RANBP2: variants seen among roughly 807,000 people sequenced by gnomAD.
The protein encoded by RANBP2 is E3 SUMO-protein ligase RanBP2.
In RANBP2, 57 loss-of-function variants were observed where a neutral mutation model predicts 303.6. The observed-to-expected ratio is 0.19, with a 90% confidence interval of 0.15 to 0.23. RANBP2 has a LOEUF of 0.23. Ranked by LOEUF, RANBP2 falls within the 10% of genes least tolerant of loss-of-function variation. The probability of loss-of-function intolerance (pLI) is 1.00; values close to 1 mark genes in which losing one functional copy is unlikely to be tolerated. For missense variants in RANBP2, 3,138 were observed against 3,780.8 expected (o/e 0.83, Z 4.46); for synonymous variants, 1,167 against 1,301.5 (o/e 0.90, Z 2.23).
chr2:109,295,521 CT>C, the RANBP2 span, among the ~76,000 whole-genome samples: 5 of 152,184 alleles, frequency 3.3e-5, no homozygotes, highest in Admixed American at 1.3e-4. Context: ...CTTTGTCCTT[CT>C]TGTGAAGAAG....
the RANBP2 span, among the ~76,000 whole-genome samples, chr2:109,571,461 A>G: frequency 2.4e-3 from 372 of 152,342 alleles, no homozygotes; most frequent in Non-Finnish European, 2.9e-3. Flanking sequence ...ATGTAACTAT[A>G]CTGGATACTG....
chr2:109,228,065 G>A, the RANBP2 span, among the ~76,000 whole-genome samples: 1 of 152,118 alleles, frequency 6.6e-6, no homozygotes. Context: ...ACACAGGTAC[G>A]AGTGTCTGGT....
the RANBP2 span, among the ~76,000 whole-genome samples, chr2:109,676,559 G>A: frequency 3.3e-5 from 5 of 152,210 alleles, no homozygotes; most frequent in Non-Finnish European, 7.3e-5. Flanking sequence ...AGCAGACACA[G>A]GGAAGCTGGC....
chr2:109,055,883 C>T, the RANBP2 span, among the ~76,000 whole-genome samples: 2 of 151,104 alleles, frequency 1.3e-5, no homozygotes, highest in Non-Finnish European at 2.9e-5. Flanking sequence ...CTTCAGCCTC[C>T]CGAGTAGCTG....
Position 108,783,916 on chromosome 2 carries a change from A to C in RANBP2, c.*15A>C. The C allele has an allele frequency of 6.3e-7, 1 of 1,598,074 alleles. No homozygotes were observed. The highest frequency in any genetic ancestry group is 8.6e-7 in the Non-Finnish European group (1 of 1,165,786). On this transcript the variant is annotated 3_prime_UTR_variant, in exon 29 of 29. Coordinates refer to ENST00000283195, the MANE Select transcript of RANBP2 (RefSeq NM_006267.5). Reference sequence around the variant, plus strand: ...GACAGATATAAAATCATTGTTGTTCATAGAAAATTTCATCTGTATAAGCAG... The same window carrying C: ...GACAGATATAAAATCATTGTTGTTCCTAGAAAATTTCATCTGTATAAGCAG...
At chr2:109,357,562 C>T in the RANBP2 span, among the ~76,000 whole-genome samples, 748 of 152,318 alleles carry the variant, frequency 4.9e-3, 5 homozygotes, top group African/African-American at 0.017. Flanking sequence ...CCGCCCTTCC[C>T]GCATGTCTAC....
At chr2:109,229,301 A>ACTTC in the RANBP2 span, among the ~76,000 whole-genome samples, 1 of 152,168 alleles carries the variant, frequency 6.6e-6, no homozygotes, top group Admixed American at 6.5e-5. Context: ...CCCACACCCC[A>ACTTC]CTTCCTCTGT....
the RANBP2 span, among the ~76,000 whole-genome samples, chr2:109,219,858 A>T: frequency 3.3e-5 from 5 of 152,206 alleles, no homozygotes; most frequent in Non-Finnish European, 7.3e-5. Context: ...ACTCAAAGTG[A>T]TCTACAGATT....
chr2:108,989,992 A>C, the RANBP2 span, among the ~76,000 whole-genome samples: 2 of 152,156 alleles, frequency 1.3e-5, no homozygotes, highest in African/African-American at 4.8e-5. Flanking sequence ...CACATGAGAA[A>C]GTAAGAGCTT....
At chr2:109,061,055 A>T in the RANBP2 span, among the ~76,000 whole-genome samples, 1 of 151,840 alleles carries the variant, frequency 6.6e-6, no homozygotes, top group Non-Finnish European at 1.5e-5. Flanking sequence ...GAAGAAACCT[A>T]TTTGTCCTCT....
the RANBP2 span, chr2:108,930,966 C>T: frequency 6.2e-7 from 1 of 1,613,924 alleles, no homozygotes; most frequent in Non-Finnish European, 8.5e-7. Flanking sequence ...CCACTTACCA[C>T]CAGGACGGGG....
the RANBP2 span, among the ~76,000 whole-genome samples, chr2:109,657,417 C>T: frequency 3.9e-5 from 6 of 152,250 alleles, no homozygotes; most frequent in East Asian, 1.2e-3. Flanking sequence ...CACCAAACTC[C>T]AGCCTGGGCA....
the RANBP2 span, among the ~76,000 whole-genome samples, chr2:109,534,039 C>T: frequency 6.6e-6 from 1 of 152,196 alleles, no homozygotes; most frequent in Non-Finnish European, 1.5e-5. Context: ...CTCATACCCT[C>T]TCCTTCTGTC....
At chr2:109,211,424 G>A in the RANBP2 span, among the ~76,000 whole-genome samples, 6 of 152,220 alleles carry the variant, frequency 3.9e-5, no homozygotes, top group African/African-American at 1.4e-4. Context: ...CCCTGGCGAG[G>A]TAAGAAGCAT....
At chr2:109,225,000 G>A in the RANBP2 span, among the ~76,000 whole-genome samples, 37 of 152,072 alleles carry the variant, frequency 2.4e-4, no homozygotes, top group African/African-American at 7.7e-4. Flanking sequence ...AAAGAATTTT[G>A]TGGGTTTGAA....
chr2:109,216,515 C>T, the RANBP2 span, among the ~76,000 whole-genome samples: 1 of 152,200 alleles, frequency 6.6e-6, no homozygotes, highest in Admixed American at 6.5e-5. Context: ...GGCCGCAAAG[C>T]TTAAGTGCCT....
At chr2:109,436,359 A>G in the RANBP2 span, among the ~76,000 whole-genome samples, 2 of 152,158 alleles carry the variant, frequency 1.3e-5, no homozygotes, top group Non-Finnish European at 2.9e-5. Context: ...GAAACTTCGG[A>G]GTGAAAGGGC....
the RANBP2 span, among the ~76,000 whole-genome samples, chr2:109,028,654 G>A: frequency 1.3e-5 from 2 of 152,182 alleles, no homozygotes; most frequent in Non-Finnish European, 2.9e-5. Context: ...CTATTCCACA[G>A]GCCCTCCGAG....
At chr2:108,869,016 CT>C in the RANBP2 span, among the ~76,000 whole-genome samples, 2 of 151,946 alleles carry the variant, frequency 1.3e-5, no homozygotes, top group African/African-American at 4.8e-5. Context: ...TTTTATTTTA[CT>C]TTATAAAAAT....
Sources: allele counts gnomAD v4.1 joint callset (sites outside exome capture counted in the v4.1 genomes callset), GRCh38; gene constraint gnomAD v4.1.1; transcripts MANE v1.5; gene names NCBI Gene and HGNC (gene_info 2026-07-23, HGNC 2026-07-21).